The following DNAH7 variants were observed in gnomAD, a reference collection of about 807,000 sequenced individuals.
The protein encoded by DNAH7 is axonemal beta dynein heavy chain 7.
Under a neutral mutation model 444.6 loss-of-function variants are expected in DNAH7, and 397 were observed. The ratio of observed to expected loss-of-function variants is 0.89; its 90% CI spans 0.82 to 0.97. The LOEUF (loss-of-function observed/expected upper bound fraction) is 0.97. Among genes scored for constraint, DNAH7 ranks in the 50% least tolerant of loss-of-function variants. The probability of loss-of-function intolerance (pLI) is 0.00; values close to 1 mark genes in which losing one functional copy is unlikely to be tolerated. For synonymous variants in DNAH7, 1,636 were observed against 1,624.4 expected (o/e 1.01, Z -0.17); for missense variants, 4,902 against 4,800.8 (o/e 1.02, Z -0.62).
chr2:196,064,333 AAATAAATAAATAAAT>A (rs1202130247), intron 1 of DNAH7, among the ~76,000 whole-genome samples: 1,708 of 72,778 alleles, frequency 0.023, 18 homozygotes, highest in South Asian at 0.034. Flanking sequence ...ATAAATAAAT[AAATAAATAAATAAAT>A]AATAAATAAT....
intron 63 of DNAH7, among the ~76,000 whole-genome samples, chr2:195,743,429 CA>C (rs1693172899): frequency 6.6e-6 from 1 of 152,002 alleles, no homozygotes; most frequent in South Asian, 2.1e-4. Flanking sequence ...AAAAAACGTT[CA>C]GCAGCACTGT....
chr2:195,899,597 C>T (rs960028029), intron 28 of DNAH7, among the ~76,000 whole-genome samples: 1 of 152,136 alleles, frequency 6.6e-6, no homozygotes, highest in Non-Finnish European at 1.5e-5. Flanking sequence ...GATAAAAATG[C>T]ATCCTATTGT....
At chr2:196,065,028 C>T (rs1879098) in intron 1 of DNAH7, among the ~76,000 whole-genome samples, 152,281 of 152,306 alleles carry the variant, frequency 1, 76,128 homozygotes, top group Non-Finnish European at 1. Context: ...GTTTATTATC[C>T]ATAAAAAAAT....
intron 30 of DNAH7, chr2:195,894,326 A>G (rs1702183110): frequency 6.6e-6 from 1 of 152,184 alleles, no homozygotes; most frequent in Admixed American, 6.5e-5. Flanking sequence ...AAATAACAGA[A>G]AAGTAAGTAA....
At chr2:195,871,215 G>T (rs141412252) in intron 40 of DNAH7, among the ~76,000 whole-genome samples, 95 of 152,300 alleles carry the variant, frequency 6.2e-4, no homozygotes, top group Non-Finnish European at 9.7e-4. Context: ...AGAGAAACTG[G>T]ATTTTTAAAA....
At chr2:195,899,752 A>T (rs1686583846) in intron 28 of DNAH7, among the ~76,000 whole-genome samples, 1 of 152,208 alleles carries the variant, frequency 6.6e-6, no homozygotes, top group Non-Finnish European at 1.5e-5. Context: ...ATGTACAGTT[A>T]TATTTCATGG....
At chr2:196,035,910 G>C (rs914009830) in intron 5 of DNAH7, among the ~76,000 whole-genome samples, 2 of 152,078 alleles carry the variant, frequency 1.3e-5, no homozygotes, top group African/African-American at 4.8e-5. Context: ...ATGGAACTTG[G>C]GCTAAATCCC....
Position 195,936,645 on chromosome 2 carries a change from TG to T in DNAH7, c.3225del (p.Asn1076MetfsTer21). The T allele has an allele frequency of 6.2e-7, 1 of 1,606,634 alleles. No individual in the cohort carries two copies. Among genetic ancestry groups the T allele is most frequent in the Non-Finnish European group, 8.5e-7 (1 of 1,177,826 alleles). ...RLFFPRFFFL[S>X]NDELLEILSE... The stretch of plus-strand genomic sequence containing the variant: ...GATAGTATCTCAAGAAGTTCATCAT[TG>T]GACAAAAAAAAGAATCTGGGGAAAA... On this transcript the variant is annotated frameshift_variant, in exon 20 of 65. Transcript: ENST00000312428. LOFTEE classifies it high-confidence loss of function.
chr2:196,047,390 T>C lies in DNAH7; in HGVS notation c.360A>G (p.Glu120=). 1 of 1,600,014 alleles carries C rather than the reference T, an allele frequency of 6.2e-7. No homozygotes were observed. Among genetic ancestry groups the C allele is most frequent in the East Asian group, 2.2e-5 (1 of 44,520 alleles). ...CAAGAGTACTTCTAAAGTTTTCTCGTTCTTTATGTGGAGATTTGCCCTTTG... is the reference window on the plus strand; with the variant it reads ...CAAGAGTACTTCTAAAGTTTTCTCGCTCTTTATGTGGAGATTTGCCCTTTG... ...SKSKGKSPHK[E]RENFRSTLVN... is the part of the protein sequence containing the mutation. The change falls in exon 5 of 65, where the codon GAA becomes GAG. Residue 120 remains glutamate, a synonymous_variant. Transcript: ENST00000312428.
At chr2:195,831,516 T>A (rs1273905461) in intron 48 of DNAH7, among the ~76,000 whole-genome samples, 2 of 152,236 alleles carry the variant, frequency 1.3e-5, no homozygotes, top group Non-Finnish European at 2.9e-5. Flanking sequence ...GTCGTAAATG[T>A]ATAACAGTAA....
chr2:195,957,442 CAT>C lies in DNAH7; in HGVS notation c.2895_2896del (p.Trp966GlyfsTer13). The stretch of plus-strand genomic sequence containing the variant: ...CTGAAGCAGTAGGAGCTTGCCCTCC[CAT>C]TCTCTGAGGAGCAAAACACAGTGGC... On this transcript the variant is annotated frameshift_variant, in exon 19 of 65. Transcript: ENST00000312428. LOFTEE classifies it high-confidence loss of function. 1.3e-6 allele frequency: 2 copies of C among 1,544,338 alleles called. No homozygotes were observed. The highest frequency in any genetic ancestry group is 1.8e-6 in the Non-Finnish European group (2 of 1,134,390).
intron 56 of DNAH7, 43 bp from the exon 57 acceptor site, chr2:195,794,581 A>G: frequency 6.3e-7 from 1 of 1,580,376 alleles, no homozygotes; most frequent in Non-Finnish European, 8.7e-7. Flanking sequence ...AATAAAACCC[A>G]AAGAAAATCT....
intron 3 of DNAH7, among the ~76,000 whole-genome samples, chr2:196,049,053 C>G (rs1336643126): frequency 6.6e-6 from 1 of 152,174 alleles, no homozygotes; most frequent in African/African-American, 2.4e-5. Context: ...CCTACTGTTG[C>G]TGAAGCCTAT....
intron 16 of DNAH7, among the ~76,000 whole-genome samples, chr2:195,970,673 T>C (rs1429235096): frequency 1.3e-5 from 2 of 152,160 alleles, no homozygotes; most frequent in Non-Finnish European, 2.9e-5. Flanking sequence ...TAATATAAGA[T>C]AGGTATGTAT....
At chr2:195,964,673 T>A (rs1691347966) in intron 17 of DNAH7, among the ~76,000 whole-genome samples, 1 of 145,872 alleles carries the variant, frequency 6.9e-6, no homozygotes, top group Non-Finnish European at 1.5e-5. Context: ...GAGACCAGCC[T>A]GGCCAACATG....
intron 10 of DNAH7, among the ~76,000 whole-genome samples, chr2:196,009,211 A>T (rs1694574506): frequency 6.6e-6 from 1 of 152,152 alleles, no homozygotes; most frequent in African/African-American, 2.4e-5. Flanking sequence ...TGAGATTTGG[A>T]GGGGACAAGC....
intron 53 of DNAH7, among the ~76,000 whole-genome samples, chr2:195,807,755 T>C (rs184898410): frequency 7.8e-4 from 119 of 152,312 alleles, no homozygotes; most frequent in South Asian, 1.9e-3. Flanking sequence ...ATGTGGTATC[T>C]CAAATTAGAA....
chr2:196,057,945 T>C, intron 2 of DNAH7, 109 bp downstream of exon 2: 1 of 856,168 alleles, frequency 1.2e-6, no homozygotes, highest in Non-Finnish European at 1.7e-6. Context: ...GAATTTAAAA[T>C]TGTATAAAAT....
chr2:195,805,566 G>C (rs773301178), intron 54 of DNAH7, among the ~76,000 whole-genome samples: 2 of 152,176 alleles, frequency 1.3e-5, no homozygotes, highest in African/African-American at 4.8e-5. Context: ...CAGCATAAGA[G>C]AGTGGGGTAG....
Sources: allele counts gnomAD v4.1 joint callset (sites outside exome capture counted in the v4.1 genomes callset), GRCh38; gene constraint gnomAD v4.1.1; transcripts MANE v1.5; gene names NCBI Gene and HGNC (gene_info 2026-07-23, HGNC 2026-07-21).